HMGXB3: variants seen among roughly 807,000 people sequenced by gnomAD.
HMGXB3 encodes HMG-box containing 3.
A neutral mutation model predicts 121.5 loss-of-function variants in HMGXB3; 45 were observed. The observed-to-expected ratio is 0.37, with a 90% CI of 0.29 to 0.47. HMGXB3 has a LOEUF of 0.47. Ranked by LOEUF, HMGXB3 falls within the 20% of genes least tolerant of loss-of-function variation. The probability of loss-of-function intolerance (pLI) is 0.99; values close to 1 mark genes in which losing one functional copy is unlikely to be tolerated. For synonymous variants in HMGXB3, 590 were observed against 624.1 expected, an observed-to-expected ratio of 0.95 and a Z score of 0.81; for missense variants, 1,376 against 1,602.2, an observed-to-expected ratio of 0.86 and a Z score of 2.41.
intron 3 of HMGXB3, among the ~76,000 whole-genome samples, chr5:150,008,571 G>A (rs1389047623): frequency 2.0e-5 from 3 of 152,224 alleles, no homozygotes; most frequent in Non-Finnish European, 4.4e-5. Context: ...ACTGCCTGGT[G>A]TGATGGGAAG....
intron 19 of HMGXB3, 35 bp from the exon 20 acceptor site, chr5:150,051,690 C>A: frequency 6.8e-7 from 1 of 1,461,704 alleles, no homozygotes. Context: ...TTAGTCATTC[C>A]TTCTTATCAA....
intron 1 of HMGXB3, among the ~76,000 whole-genome samples, chr5:150,002,771 G>C (rs1264793411): frequency 1.3e-5 from 2 of 151,610 alleles, no homozygotes; most frequent in Non-Finnish European, 3.0e-5. Flanking sequence ...CAGCACCAGA[G>C]AGCTGATGTT....
At chr5:150,048,410 G>A (rs1394779072) in intron 17 of HMGXB3, among the ~76,000 whole-genome samples, 159 bp from the exon 18 acceptor site, 2 of 152,212 alleles carry the variant, frequency 1.3e-5, no homozygotes, top group Non-Finnish European at 2.9e-5. Context: ...TTGCTTACCT[G>A]TACCTAGAGG....
At chr5:150,047,528 A>G (rs1334932576) in intron 16 of HMGXB3, 96 bp from the exon 17 acceptor site, 2 of 1,438,164 alleles carry the variant, frequency 1.4e-6, no homozygotes, top group Non-Finnish European at 1.9e-6. Context: ...GGCTTGGTGC[A>G]GAGCTGGCTT....
At position 150,010,302 on chromosome 5, in the gene HMGXB3, C is replaced by G. The variant is rs561546837; in HGVS notation, c.504C>G (p.Ala168=). The part of the protein sequence containing the change: ...PKGPPLVSNT[A]PETVPSHAGM... ...GACCTCCTCTTGTGTCCAACACTGC[C>G]CCGGAGACAGTGCCCAGCCATGCAG... The change falls in exon 4 of 20, where the codon GCC becomes GCG. Residue 168 remains alanine, a synonymous_variant. Coordinates refer to ENST00000502717, the MANE Select transcript of HMGXB3 (RefSeq NM_014983.3). 21 of 1,551,782 alleles carry G rather than the reference C, an allele frequency of 1.4e-5. No individual in the cohort carries two copies. Among genetic ancestry groups the G allele is most frequent in the Middle Eastern group, 3.3e-4 (2 of 5,994 alleles).
Position 150,050,376 on chromosome 5 carries a change from G to A in HMGXB3, c.3326G>A (p.Cys1109Tyr). The change falls in exon 19 of 20, where the codon TGT (cysteine) becomes TAT (tyrosine). Residue 1109 changes from cysteine (C) to tyrosine (Y), a missense_variant. By Grantham distance (194) the Cys-to-Tyr change is radical. Transcript: ENST00000502717. ...VVDMATSVAL[C>Y]ADLCYPELTN... The stretch of plus-strand genomic sequence containing the variant: ...GATATGGCCACGTCAGTGGCCCTGT[G>A]TGCTGACCTCTGCTACCCAGAGCTG... 6.4e-7 allele frequency: 1 copy of A among 1,551,768 alleles called. No homozygotes were observed. The highest frequency in any genetic ancestry group is 2.4e-5 in the East Asian group (1 of 40,908).
chr5:150,010,407 G>C lies in HMGXB3; in HGVS notation c.609G>C (p.Glu203Asp), dbSNP rs772927985. ...GALTQSGAVQ[E>D]IATSEILSQD... Reference sequence around the variant, plus strand: ...TTACCCAGTCAGGTGCTGTACAGGAGATTGCCACCTCAGAGATCCTCAGCC... The same window carrying C: ...TTACCCAGTCAGGTGCTGTACAGGACATTGCCACCTCAGAGATCCTCAGCC... Residue 203 changes from glutamate (E) to aspartate (D), a missense_variant, in exon 4 of 20, where the codon GAG becomes GAC. By Grantham distance (45) the Glu-to-Asp change is conservative (BLOSUM62 2). Transcript: ENST00000502717. 4.5e-6 allele frequency: 7 copies of C among 1,551,546 alleles called. No homozygotes were observed. In the African/African-American group the frequency reaches 8.2e-5, roughly 18 times the overall value.
Position 150,052,590 on chromosome 5 carries a change from T to A in HMGXB3, c.*398T>A. 5.2e-6 allele frequency: 1 copy of A among 193,790 alleles called. No individual in the cohort carries two copies. Among genetic ancestry groups the A allele is most frequent in the Non-Finnish European group, 1.1e-5 (1 of 93,316 alleles). The allele number at this position is 193,790 out of a possible 1,614,324, so 12.0% of individuals were successfully genotyped here. A position where few individuals can be genotyped will look rare whatever the true frequency, so the allele number is the denominator to read the frequency against. ...AGGCTGCTGAGGTCTCTCCCACCCC[T>A]GAGGAGCCCTGGTTTCAGCCCCCTC... On this transcript the variant is annotated 3_prime_UTR_variant, in exon 20 of 20. Coordinates refer to ENST00000502717, the MANE Select transcript of HMGXB3 (RefSeq NM_014983.3).
In HMGXB3 at chr5:150,051,895, C is replaced by G. The variant is rs1489764450; in HGVS notation, c.3582C>G (p.Cys1194Trp). The G allele has an allele frequency of 6.4e-7, 1 of 1,551,668 alleles. No individual in the cohort carries two copies. The highest frequency in any genetic ancestry group is 2.0e-5 in the Admixed American group (1 of 50,994). Residue 1194 changes from cysteine to tryptophan, a missense_variant, in exon 20 of 20, where the codon TGC (cysteine) becomes TGG (tryptophan). Cys to Trp is a radical substitution (Grantham distance 215). Around this residue, in one of 2 missense-constraint regions of HMGXB3, gnomAD observed 260 missense variants for 233.2 expected, o/e 1.11. Transcript: ENST00000502717. ...CTGGGCACCACTCCTTGGCCCTGTG[C>G]CCTGAATTGGCACCTTACGCAACCA... ...PSAGHHSLAL[C>W]PELAPYATIL... is the part of the protein sequence containing the mutation.
chr5:150,032,352 A>G (rs1756400228), intron 10 of HMGXB3, 102 bp from the exon 11 acceptor site: 1 of 1,074,318 alleles, frequency 9.3e-7, no homozygotes, highest in African/African-American at 1.6e-5. Context: ...TGCAGTTGCC[A>G]CTCTCTTCTC....
intron 17 of HMGXB3, 81 bp from the exon 18 acceptor site, chr5:150,048,488 G>T: frequency 2.1e-6 from 2 of 942,620 alleles, no homozygotes; most frequent in Non-Finnish European, 3.3e-6. Flanking sequence ...TTTGGGTGTT[G>T]GGTGAGTGTG....
In HMGXB3 at chr5:150,047,832, A is replaced by G. The variant is rs1049874883; in HGVS notation, c.3084+75A>G. ...TTGGTCCACTTTTTAGGTCAGGGAT[A>G]TGAATATCTGTGATGGCATCTGCCT... On this transcript the variant is annotated intron_variant, in intron 17 of 19. Transcript: ENST00000502717. 4 of 1,486,558 alleles carry G rather than the reference A, an allele frequency of 2.7e-6. No homozygotes were observed. The African/African-American group carries it at 4.2e-5, about 16-fold the overall frequency. 92.1% of individuals were successfully genotyped at this position (1,486,558 alleles called of 1,614,324 possible).
intron 15 of HMGXB3, among the ~76,000 whole-genome samples, chr5:150,042,676 T>C (rs1487841815): frequency 6.6e-6 from 1 of 152,028 alleles, no homozygotes; most frequent in Non-Finnish European, 1.5e-5. Flanking sequence ...TAGGGTAACA[T>C]GGGCTATTTT....
chr5:150,041,935 G>C lies in HMGXB3; in HGVS notation c.2696G>C (p.Ser899Thr), dbSNP rs1320702913. ...VAPKVEMAQR[S>T]EENVLALKSV... ...CCCAAAGTGGAAATGGCTCAGAGGA[G>C]TGAAGAGAATGTGCTAGCACTGAAG... Residue 899 changes from serine to threonine, a missense_variant, in exon 15 of 20, where the codon AGT (serine) becomes ACT (threonine). This residue lies in a region of HMGXB3 where 1,116 missense variants were observed against 1,369.0 expected (regional missense o/e 0.82). Coordinates refer to ENST00000502717, the MANE Select transcript of HMGXB3 (RefSeq NM_014983.3). The C allele has an allele frequency of 4.5e-6, 7 of 1,551,586 alleles. No individual in the cohort carries two copies. The highest frequency in any genetic ancestry group is 6.1e-6 in the Non-Finnish European group (7 of 1,146,972).
In HMGXB3 at chr5:150,040,317, A is replaced by C. The variant is rs370297884; in HGVS notation, c.2414-431A>C. Among the ~76,000 whole-genome samples, 199 of 152,302 alleles carry C rather than the reference A, an allele frequency of 1.3e-3. No individual in the cohort carries two copies. In the Middle Eastern group the frequency reaches 0.027, roughly 21 times the overall value. On this transcript the variant is annotated intron_variant, in intron 13 of 19. Transcript: ENST00000502717. Reference sequence around the variant, plus strand: ...CTTTTTAATGCTTTCTATTTTATGAATTCACCATAAATTAATTAACCCTTT... The same window carrying C: ...CTTTTTAATGCTTTCTATTTTATGACTTCACCATAAATTAATTAACCCTTT...
intron 13 of HMGXB3, 29 bp downstream of exon 13, chr5:150,037,556 G>T (rs200428227): frequency 9.1e-4 from 1,353 of 1,482,578 alleles, no homozygotes; most frequent in Non-Finnish European, 1.1e-3. Context: ...TTCCCTCAGA[G>T]CATCCCAAAG....
At position 150,030,797 on chromosome 5, in the gene HMGXB3, C is replaced by T. The variant is rs1756353823; in HGVS notation, c.1791C>T (p.Pro597=). 7.1e-6 allele frequency: 11 copies of T among 1,551,984 alleles called. No individual in the cohort carries two copies. In the Admixed American group the frequency reaches 1.4e-4, roughly 19 times the overall value. The change falls in exon 10 of 20, where the codon CCC becomes CCT. Residue 597 remains proline, a synonymous_variant. Coordinates refer to ENST00000502717, the MANE Select transcript of HMGXB3 (RefSeq NM_014983.3). ...TSQVKVVEVK[P]DMFPPYKYSC... is the part of the protein sequence containing the mutation. The stretch of plus-strand genomic sequence containing the variant: ...AGGTGAAAGTTGTGGAGGTCAAGCC[C>T]GATATGTTTCCTCCATATAAGTACA...
chr5:150,037,365 T>C, intron 12 of HMGXB3, 35 bp from the exon 13 acceptor site: 1 of 1,502,610 alleles, frequency 6.7e-7, no homozygotes. Flanking sequence ...TCTCTTTCCC[T>C]TCTTTTTTTT....
Position 150,004,904 on chromosome 5 carries a change from G to T in HMGXB3, c.52G>T (p.Glu18Ter), listed in dbSNP as rs1398631979. Residue 18 changes from glutamate to a stop codon, truncating the protein, a stop_gained, in exon 2 of 20, where the codon GAG (glutamate) becomes TAG (stop). Transcript: ENST00000502717. LOFTEE classifies it high-confidence loss of function. Reference protein sequence around the residue: ...TEVTVVMEEIEEAYCYTSPGP... With the variant: ...TEVTVVMEEI ...GGTAACTGTCGTGATGGAGGAAATTGAGGAAGCCTATTGTTACACCTCTCC... is the reference window on the plus strand; with the variant it reads ...GGTAACTGTCGTGATGGAGGAAATTTAGGAAGCCTATTGTTACACCTCTCC... 6.4e-7 allele frequency: 1 copy of T among 1,551,784 alleles called. No homozygotes were observed.
Sources: allele counts gnomAD v4.1 joint callset (sites outside exome capture counted in the v4.1 genomes callset), GRCh38; gene constraint gnomAD v4.1.1; regional missense constraint gnomAD v4.1.1; transcripts MANE v1.5; gene names NCBI Gene and HGNC (gene_info 2026-07-23, HGNC 2026-07-21).